The following DDX10 variants were observed in gnomAD, a reference collection of about 807,000 sequenced individuals.
DDX10 encodes probable ATP-dependent RNA helicase DDX10.
DDX10 carries 74 observed loss-of-function variants against 104.3 expected under a neutral mutation model. The ratio of observed to expected loss-of-function variants is 0.71; its 90% confidence interval spans 0.59 to 0.86. DDX10 has a LOEUF of 0.86. DDX10 is among the 40% of genes least tolerant of loss of function. The probability of loss-of-function intolerance (pLI) is 0.00; values close to 1 mark genes in which losing one functional copy is unlikely to be tolerated. For missense variants in DDX10, 952 were observed against 1,040.0 expected, an observed-to-expected ratio of 0.92 and a Z score of 1.16; for synonymous variants, 351 against 353.4, an observed-to-expected ratio of 0.99 and a Z score of 0.08.
At chr11:108,857,756 A>T (rs1042391486) in intron 16 of DDX10, among the ~76,000 whole-genome samples, 13 of 152,264 alleles carry the variant, frequency 8.5e-5, no homozygotes, top group Non-Finnish European at 1.5e-4. Flanking sequence ...AATCTGCTTT[A>T]TATGACGCTG....
intron 16 of DDX10, among the ~76,000 whole-genome samples, chr11:108,904,652 A>G (rs946738910): frequency 7.2e-5 from 11 of 152,298 alleles, no homozygotes; most frequent in African/African-American, 2.6e-4. Context: ...TAGTAAATCA[A>G]ACATGCACAT....
chr11:108,926,882 T>A (rs935868768), intron 17 of DDX10, among the ~76,000 whole-genome samples: 3 of 152,194 alleles, frequency 2.0e-5, no homozygotes, highest in Non-Finnish European at 4.4e-5. Flanking sequence ...AGGTTTAAAT[T>A]ATTTAGGAAA....
At position 108,682,694 on chromosome 11, in the gene DDX10, C is replaced by T. The variant is rs146883448; in HGVS notation, c.848+3134C>T. On this transcript the variant is annotated intron_variant, in intron 6 of 17. Transcript: ENST00000322536. ...CATAAGCCACTGTTATCACTGTTTG[C>T]AACATCAGTATTTATTTAGACTTAC... 2.9e-3 allele frequency among the ~76,000 whole-genome samples: 443 copies of T among 152,276 alleles called. 22 individuals are homozygous for T. In the South Asian group the frequency reaches 0.078, roughly 27 times the overall value.
chr11:108,893,034 G>C (rs1333630204), intron 16 of DDX10, among the ~76,000 whole-genome samples: 3 of 152,186 alleles, frequency 2.0e-5, no homozygotes, highest in African/African-American at 7.2e-5. Flanking sequence ...TTTATTTTGT[G>C]TGTATGTGTA....
At position 108,899,390 on chromosome 11, in the gene DDX10, C is replaced by T. The variant is rs115154706; in HGVS notation, c.2305-18483C>T. Among the ~76,000 whole-genome samples, 289 of 152,124 alleles carry T rather than the reference C, an allele frequency of 1.9e-3. 1 individual carries two copies. Among genetic ancestry groups the T allele is most frequent in the African/African-American group, 6.3e-3 (263 of 41,502 alleles). ...CAAGAGTGTATTGAATATGCTTGTT[C>T]CCATACTTTTGCATTTCAAAATAAA... On this transcript the variant is annotated intron_variant, in intron 16 of 17. Coordinates refer to ENST00000322536, the MANE Select transcript of DDX10 (RefSeq NM_004398.4).
intron 9 of DDX10, among the ~76,000 whole-genome samples, chr11:108,698,080 T>G (rs2094262412): frequency 1.3e-5 from 2 of 152,134 alleles, no homozygotes; most frequent in Non-Finnish European, 2.9e-5. Context: ...GGCCAAACCT[T>G]AGCATTGCAC....
At chr11:108,665,473 G>T (rs943854858) in intron 1 of DDX10, 134 bp downstream of exon 1, 6 of 1,036,458 alleles carry the variant, frequency 5.8e-6, no homozygotes, top group African/African-American at 4.9e-5. Flanking sequence ...CACGCCGGGT[G>T]CCACAGCTCA....
intron 13 of DDX10, among the ~76,000 whole-genome samples, chr11:108,778,782 T>C (rs529217878): frequency 1.3e-5 from 2 of 152,224 alleles, no homozygotes; most frequent in Non-Finnish European, 2.9e-5. Context: ...AGAAAGTTTT[T>C]ACAATCTACC....
In DDX10 at chr11:108,838,444, A is replaced by G. The variant is rs370987053; in HGVS notation, c.1966-2A>G. ...CTGTGTTTTTTGTATGTTCTCACAC[A>G]GAAGAAAGAACCTTCTAAATCCAGC... On this transcript the variant is annotated splice_acceptor_variant, in intron 13 of 17. Transcript: ENST00000322536. LOFTEE classifies it high-confidence loss of function. 6 of 1,608,138 alleles carry G rather than the reference A, an allele frequency of 3.7e-6. No homozygotes were observed. Among genetic ancestry groups the G allele is most frequent in the South Asian group, 1.1e-5 (1 of 89,820 alleles).
At chr11:108,694,768 C>T (rs942782884) in intron 9 of DDX10, among the ~76,000 whole-genome samples, 4 of 152,296 alleles carry the variant, frequency 2.6e-5, no homozygotes, top group Admixed American at 2.6e-4. Context: ...GTAGTCTCAG[C>T]TCCTTGGGAG....
rs115448729 is a variant in DDX10, at chr11:108,891,699, C to T, written c.2305-26174C>T. Among the ~76,000 whole-genome samples the T allele has an allele frequency of 6.7e-3, 1,021 of 152,222 alleles. 12 individuals are homozygous for T. The highest frequency in any genetic ancestry group is 0.023 in the African/African-American group (955 of 41,542). On this transcript the variant is annotated intron_variant, in intron 16 of 17. Coordinates refer to ENST00000322536, the MANE Select transcript of DDX10 (RefSeq NM_004398.4). ...TTCAGGAATGAATCTCAAGTCAGCA[C>T]GAACCCGGTCCTCTAAAGTATGCTA...
At chr11:108,792,653 A>G (rs964404853) in intron 13 of DDX10, among the ~76,000 whole-genome samples, 11 of 151,996 alleles carry the variant, frequency 7.2e-5, no homozygotes, top group African/African-American at 2.7e-4. Context: ...TGATTACTGT[A>G]GCTTTATAAT....
At chr11:108,884,246 C>G (rs1863264076) in intron 16 of DDX10, among the ~76,000 whole-genome samples, 1 of 152,188 alleles carries the variant, frequency 6.6e-6, no homozygotes, top group Admixed American at 6.5e-5. Flanking sequence ...CAAGTCTTCT[C>G]CATCATGGTA....
intron 13 of DDX10, among the ~76,000 whole-genome samples, chr11:108,823,359 A>G (rs1294153861): frequency 1.3e-5 from 2 of 152,182 alleles, no homozygotes; most frequent in East Asian, 1.9e-4. Flanking sequence ...TGGTTGTGGT[A>G]GTGATGCTTG....
intron 16 of DDX10, among the ~76,000 whole-genome samples, chr11:108,896,379 C>T (rs1591115209): frequency 1.3e-5 from 2 of 150,550 alleles, no homozygotes; most frequent in East Asian, 3.9e-4. Flanking sequence ...CCTGCCAATG[C>T]GTGTTTTAAC....
chr11:108,927,787 G>A (rs556854154), intron 17 of DDX10, among the ~76,000 whole-genome samples: 8 of 152,114 alleles, frequency 5.3e-5, no homozygotes, highest in South Asian at 4.2e-4. Context: ...ACAGGCGTGC[G>A]CCACCATGCC....
At chr11:108,810,930 C>T (rs1035401686) in intron 13 of DDX10, among the ~76,000 whole-genome samples, 1 of 152,170 alleles carries the variant, frequency 6.6e-6, no homozygotes, top group South Asian at 2.1e-4. Context: ...CACACAATCA[C>T]CATTCTTCTT....
At chr11:108,888,459 T>A (rs1195396183) in intron 16 of DDX10, among the ~76,000 whole-genome samples, 1 of 152,146 alleles carries the variant, frequency 6.6e-6, no homozygotes, top group Non-Finnish European at 1.5e-5. Flanking sequence ...TAAAATATAC[T>A]CTCTTCTGGT....
rs1275340792 is a variant in DDX10 at position 108,811,671 on chromosome 11, A to C, written c.1966-26775A>C. On this transcript the variant is annotated intron_variant, in intron 13 of 17. Coordinates refer to ENST00000322536, the MANE Select transcript of DDX10 (RefSeq NM_004398.4). ...TAGACAGATTTGTTTAAAAGTGGTC[A>C]TCCAACATGCTTGCCTTTTCACGGA... Among the ~76,000 whole-genome samples, 3 of 152,200 alleles carry C rather than the reference A, an allele frequency of 2.0e-5. No homozygotes were observed. In the East Asian group the frequency reaches 5.8e-4, roughly 29 times the overall value.
Sources: gnomAD v4.1 joint callset for allele counts (sites outside exome capture counted in the v4.1 genomes callset) on GRCh38, gnomAD v4.1.1 for gene constraint, MANE v1.5 for transcripts, NCBI Gene and HGNC (gene_info 2026-07-23, HGNC 2026-07-21) for gene names.